The following RAB38 variants were observed in gnomAD, a reference collection of about 807,000 sequenced individuals.
RAB38 encodes ras-related protein Rab-38.
A neutral mutation model predicts 18.4 loss-of-function variants in RAB38; 15 were observed. That is an observed-to-expected ratio of 0.82 (90% CI 0.55 to 1.26). RAB38 has a LOEUF of 1.26. Ranked by LOEUF, RAB38 falls within the 50% of genes most tolerant of loss-of-function variation. RAB38 has a pLI of 0.00. For missense variants in RAB38, 294 were observed against 267.4 expected, an observed-to-expected ratio of 1.10 and a Z score of -0.69; for synonymous variants, 101 against 104.4, an observed-to-expected ratio of 0.97 and a Z score of 0.20.
the RAB38 span, among the ~76,000 whole-genome samples, chr11:87,907,277 T>G: frequency 6.6e-6 from 1 of 152,024 alleles, no homozygotes; most frequent in East Asian, 1.9e-4. Flanking sequence ...TATTTTATTT[T>G]GCATTGCTTT....
the RAB38 span, among the ~76,000 whole-genome samples, chr11:87,942,258 C>T: frequency 0.14 from 21,629 of 152,100 alleles, 1,732 homozygotes; most frequent in South Asian, 0.32. Flanking sequence ...TAGCATGAAC[C>T]TGAAATTCTG....
chr11:87,960,140 A>G, the RAB38 span, among the ~76,000 whole-genome samples: 3 of 152,114 alleles, frequency 2.0e-5, no homozygotes, highest in African/African-American at 7.2e-5. Context: ...TCAAACAAAC[A>G]GTGTAATTGA....
At chr11:88,098,093 G>C in the RAB38 span, 1 of 151,728 alleles carries the variant, frequency 6.6e-6, no homozygotes, top group African/African-American at 2.4e-5. Context: ...AGGTAGAGAT[G>C]CAGTAATACA....
chr11:87,808,559 T>G, the RAB38 span, among the ~76,000 whole-genome samples: 2 of 151,680 alleles, frequency 1.3e-5, no homozygotes, highest in Admixed American at 6.6e-5. Flanking sequence ...ATTAAGGGAG[T>G]TGGGAAGATG....
At chr11:87,930,513 G>A in the RAB38 span, among the ~76,000 whole-genome samples, 1 of 152,014 alleles carries the variant, frequency 6.6e-6, no homozygotes, top group Non-Finnish European at 1.5e-5. Context: ...CATTCTCTAG[G>A]TTGCCTGTTC....
the RAB38 span, among the ~76,000 whole-genome samples, chr11:87,961,324 A>G: frequency 5.9e-5 from 9 of 152,204 alleles, no homozygotes; most frequent in Non-Finnish European, 1.2e-4. Flanking sequence ...CTTAAAAATA[A>G]CAAGTTTAAG....
the RAB38 span, among the ~76,000 whole-genome samples, chr11:87,960,207 T>C: frequency 6.6e-6 from 1 of 152,098 alleles, no homozygotes; most frequent in Non-Finnish European, 1.5e-5. Context: ...GAAAGCTTAT[T>C]ACAATGCAGA....
chr11:88,050,582 A>AT, the RAB38 span, among the ~76,000 whole-genome samples: 1 of 152,256 alleles, frequency 6.6e-6, no homozygotes, highest in Non-Finnish European at 1.5e-5. Context: ...ATTTTTAAGG[A>AT]TAAAAAGTTT....
the RAB38 span, among the ~76,000 whole-genome samples, chr11:88,049,480 C>T: frequency 6.8e-6 from 1 of 147,948 alleles, no homozygotes; most frequent in African/African-American, 2.5e-5. Flanking sequence ...CTGTAATTTT[C>T]CTTTACCTAC....
the RAB38 span, among the ~76,000 whole-genome samples, chr11:88,084,201 G>A: frequency 6.6e-6 from 1 of 151,750 alleles, no homozygotes; most frequent in Non-Finnish European, 1.5e-5. Flanking sequence ...GGAATATAGG[G>A]TCAAACAGTT....
At chr11:87,884,734 T>C in the RAB38 span, among the ~76,000 whole-genome samples, 2 of 151,934 alleles carry the variant, frequency 1.3e-5, no homozygotes, top group African/African-American at 2.4e-5. Context: ...CAAAATCAGT[T>C]GAGGGACTCC....
At chr11:88,125,791 A>G (rs1187043794) in intron 2 of RAB38, among the ~76,000 whole-genome samples, 1 of 152,210 alleles carries the variant, frequency 6.6e-6, no homozygotes, top group Non-Finnish European at 1.5e-5. Flanking sequence ...GTCCTTGCCC[A>G]TGCCTATGTC....
the RAB38 span, among the ~76,000 whole-genome samples, chr11:87,822,885 G>T: frequency 6.6e-6 from 1 of 151,914 alleles, no homozygotes; most frequent in African/African-American, 2.4e-5. Flanking sequence ...AACCAGAAAG[G>T]AAACTAATGC....
At chr11:88,173,445 G>A in intron 1 of RAB38, 1 of 819,694 alleles carries the variant, frequency 1.2e-6, no homozygotes. Flanking sequence ...AGTAAAGTAA[G>A]GATCCAGATG....
chr11:88,033,703 C>A, the RAB38 span, among the ~76,000 whole-genome samples: 1 of 149,466 alleles, frequency 6.7e-6, no homozygotes, highest in Non-Finnish European at 1.5e-5. Context: ...ATTTCTCTCA[C>A]CTCAAGGATC....
chr11:88,013,627 C>T, the RAB38 span, among the ~76,000 whole-genome samples: 59,390 of 151,856 alleles, frequency 0.39, 13,379 homozygotes, highest in East Asian at 0.61. Context: ...CTTAGGATGA[C>T]AAACTGTGAA....
At chr11:87,921,692 A>G in the RAB38 span, among the ~76,000 whole-genome samples, 1 of 151,608 alleles carries the variant, frequency 6.6e-6, no homozygotes, top group East Asian at 2.0e-4. Context: ...GGTATTATTC[A>G]TCCTTGCATC....
the RAB38 span, among the ~76,000 whole-genome samples, chr11:87,920,756 G>A: frequency 1.3e-5 from 2 of 151,962 alleles, no homozygotes; most frequent in African/African-American, 4.8e-5. Context: ...GCATATTATT[G>A]TATTGTAGTC....
At chr11:87,865,338 G>A in the RAB38 span, among the ~76,000 whole-genome samples, 1 of 151,632 alleles carries the variant, frequency 6.6e-6, no homozygotes, top group South Asian at 2.1e-4. Context: ...TTATAAAAGG[G>A]AAGCAGAAAA....
Sources: allele counts gnomAD v4.1 joint callset (sites outside exome capture counted in the v4.1 genomes callset), GRCh38; gene constraint gnomAD v4.1.1; transcripts MANE v1.5; gene names NCBI Gene and HGNC (gene_info 2026-07-23, HGNC 2026-07-21).